CD99: variants seen among roughly 807,000 people sequenced by gnomAD.
The protein encoded by CD99 is CD99 molecule (Xg blood group), also known as CD99 antigen.
CD99 carries 19 observed loss-of-function variants against 28.4 expected under a neutral mutation model. That is an observed-to-expected ratio of 0.67 (90% confidence interval 0.47 to 0.98). The LOEUF is 0.98. Among genes scored for constraint, CD99 ranks in the 50% least tolerant of loss-of-function variants. The pLI is 0.00. For missense variants in CD99, 283 were observed against 248.8 expected, an observed-to-expected ratio of 1.14 and a Z score of -0.92; for synonymous variants, 103 against 92.1, an observed-to-expected ratio of 1.12 and a Z score of -0.67.
chrX:2,705,000 C>T, intron 1 of CD99, among the ~76,000 whole-genome samples: 1 of 152,382 alleles, frequency 6.6e-6, no homozygotes, highest in South Asian at 2.1e-4. Flanking sequence ...TAGGCGTGAG[C>T]CACTGTACCC....
At chrX:2,723,444 G>A in intron 7 of CD99, 80 bp downstream of exon 7, 4 of 1,511,802 alleles carry the variant, frequency 2.6e-6, no homozygotes, top group Non-Finnish European at 3.7e-6. Context: ...AGAGCTGGCG[G>A]ACTGCACTGG....
intron 2 of CD99, chrX:2,715,291 A>C (rs1258662832): frequency 2.0e-5 from 3 of 152,206 alleles, no homozygotes; most frequent in Non-Finnish European, 4.4e-5. Context: ...TGGGGGCTTA[A>C]ACCACAGGGA....
chrX:2,733,059 CCT>C (rs60652665), intron 8 of CD99, among the ~76,000 whole-genome samples: 3 of 149,306 alleles, frequency 2.0e-5, no homozygotes, highest in African/African-American at 7.5e-5. Context: ...TCGTTCCTTC[CCT>C]CTTTCTGCCT....
At chrX:2,717,001 A>T (rs2048754405) in intron 2 of CD99, among the ~76,000 whole-genome samples, 1 of 152,136 alleles carries the variant, frequency 6.6e-6, no homozygotes. Flanking sequence ...TAACTTTGCC[A>T]TTCTCCTGCC....
chrX:2,721,344 T>C (rs2048983401), intron 5 of CD99, among the ~76,000 whole-genome samples: 2 of 152,118 alleles, frequency 1.3e-5, no homozygotes, highest in South Asian at 4.2e-4. Flanking sequence ...AGTACAGTGC[T>C]GTGATCATAT....
intron 1 of CD99, among the ~76,000 whole-genome samples, chrX:2,711,062 G>A (rs1447425961): frequency 2.7e-5 from 4 of 150,044 alleles, no homozygotes; most frequent in African/African-American, 9.8e-5. Flanking sequence ...TAGTAGAGAC[G>A]GGGTTTCACC....
At chrX:2,702,818 T>C (rs2109562) in intron 1 of CD99, among the ~76,000 whole-genome samples, 3 of 152,008 alleles carry the variant, frequency 2.0e-5, no homozygotes. Flanking sequence ...GTCTCCCTCT[T>C]TCGCCAAGGC....
intron 1 of CD99, among the ~76,000 whole-genome samples, chrX:2,698,638 T>A (rs1396926218): frequency 2.0e-5 from 3 of 151,972 alleles, no homozygotes; most frequent in Non-Finnish European, 4.4e-5. Context: ...AATTAATTTT[T>A]ACCTTTTTTG....
chrX:2,738,311 C>T, intron 9 of CD99, 55 bp downstream of exon 9: 1 of 1,509,134 alleles, frequency 6.6e-7, no homozygotes, highest in East Asian at 2.3e-5. Flanking sequence ...CCCATTTTAT[C>T]TTCTCCATCC....
chrX:2,692,339 G>A, intron 1 of CD99: 1 of 202,738 alleles, frequency 4.9e-6, no homozygotes. Context: ...GTGGACTTCA[G>A]GACGGGCCTT....
At chrX:2,695,339 G>A (rs2047521832) in intron 1 of CD99, among the ~76,000 whole-genome samples, 1 of 152,018 alleles carries the variant, frequency 6.6e-6, no homozygotes, top group African/African-American at 2.4e-5. Context: ...CCAATTAGCT[G>A]GGACTACAGG....
intron 1 of CD99, among the ~76,000 whole-genome samples, chrX:2,713,595 A>C (rs1037703701): frequency 1.3e-5 from 2 of 152,178 alleles, no homozygotes; most frequent in Non-Finnish European, 2.9e-5. Context: ...TACATGCAGG[A>C]GCATAGCCTG....
rs2124351010 is a variant in CD99, at chrX:2,741,021, C to T, written c.*217C>T. 1.6e-6 allele frequency: 1 copy of T among 606,832 alleles called. No homozygotes were observed. Among genetic ancestry groups the T allele is most frequent in the South Asian group, 2.1e-5 (1 of 46,808 alleles). 37.6% of individuals were successfully genotyped at this position (606,832 alleles called of 1,614,324 possible). ...TCCAAAGGGGGATAGGCACTTGGAC[C>T]CCCATTCTCCAAGGCCCGGGGGGGC... On this transcript the variant is annotated 3_prime_UTR_variant, in exon 10 of 10. Transcript: ENST00000381192.
intron 7 of CD99, 123 bp from the exon 8 acceptor site, chrX:2,726,137 C>T (rs1026398900): frequency 2.2e-5 from 14 of 647,726 alleles, no homozygotes; most frequent in Non-Finnish European, 3.1e-5. Flanking sequence ...TCAGCTCAGG[C>T]GTCTGAGATG....
intron 1 of CD99, chrX:2,691,760 C>G (rs1197833578): frequency 5.3e-6 from 4 of 755,436 alleles, no homozygotes; most frequent in South Asian, 4.2e-5. Context: ...GCATGAGCCC[C>G]TCACCCCACC....
chrX:2,709,944 A>C (rs182594293), intron 1 of CD99, among the ~76,000 whole-genome samples: 4,362 of 151,928 alleles, frequency 0.029, 189 homozygotes, highest in African/African-American at 0.1. Flanking sequence ...AGATGCAAAA[A>C]CCCAGCAAGC....
At chrX:2,695,670 G>A (rs1460343955) in intron 1 of CD99, among the ~76,000 whole-genome samples, 4 of 148,938 alleles carry the variant, frequency 2.7e-5, no homozygotes, top group Non-Finnish European at 5.9e-5. Context: ...GTCTCACTGT[G>A]TCACCCAGGC....
intron 8 of CD99, among the ~76,000 whole-genome samples, chrX:2,727,706 A>G (rs1222784365): frequency 1.3e-5 from 2 of 151,892 alleles, no homozygotes; most frequent in African/African-American, 4.8e-5. Flanking sequence ...CCAACTCCTC[A>G]CCTCAAGTGA....
chrX:2,692,221 G>T, intron 1 of CD99: 1 of 424,656 alleles, frequency 2.4e-6, no homozygotes, highest in Non-Finnish European at 4.2e-6. Flanking sequence ...TGCCGGATGT[G>T]GTATGTTATA....
Sources: allele counts gnomAD v4.1 joint callset (sites outside exome capture counted in the v4.1 genomes callset), GRCh38; gene constraint gnomAD v4.1.1; transcripts MANE v1.5; gene names NCBI Gene and HGNC (gene_info 2026-07-23, HGNC 2026-07-21).